PRDM16: variants seen among roughly 807,000 people sequenced by gnomAD.
The protein encoded by PRDM16 is PR/SET domain 16, also known as histone-lysine N-methyltransferase PRDM16.
Under a neutral mutation model 110.6 loss-of-function variants are expected in PRDM16, and 23 were observed. The observed-to-expected ratio is 0.21, with a 90% CI of 0.15 to 0.29. PRDM16 has a LOEUF of 0.29. Ranked by LOEUF, PRDM16 falls within the 10% of genes least tolerant of loss-of-function variation. PRDM16 has a pLI of 1.00. For synonymous variants in PRDM16, 799 were observed against 781.8 expected (o/e 1.02, Z -0.37); for missense variants, 1,615 against 1,794.3 (o/e 0.90, Z 1.81).
At chr1:3,128,488 C>T (rs533815069) in intron 1 of PRDM16, among the ~76,000 whole-genome samples, 2 of 152,324 alleles carry the variant, frequency 1.3e-5, no homozygotes, top group Non-Finnish European at 2.9e-5. Flanking sequence ...CGCATGGCTC[C>T]GCACCCAGGA....
intron 1 of PRDM16, among the ~76,000 whole-genome samples, chr1:3,182,162 A>T (rs1368160880): frequency 6.6e-6 from 1 of 152,172 alleles, no homozygotes; most frequent in Non-Finnish European, 1.5e-5. Context: ...TTAAAACCAC[A>T]TGATGAAGGA....
At chr1:3,229,216 T>A (rs559701719) in intron 2 of PRDM16, among the ~76,000 whole-genome samples, 27 of 152,256 alleles carry the variant, frequency 1.8e-4, no homozygotes, top group Middle Eastern at 3.4e-3. Context: ...CTGGTGGATA[T>A]TCCCCCAGGG....
chr1:3,176,738 A>ATCCGTCCG (rs796070588), intron 1 of PRDM16, among the ~76,000 whole-genome samples: 1 of 149,710 alleles, frequency 6.7e-6, no homozygotes, highest in African/African-American at 2.5e-5. Context: ...CCATCCATCC[A>ATCCGTCCG]TCCATCTATT....
At chr1:3,320,492 C>A (rs570277002) in intron 3 of PRDM16, among the ~76,000 whole-genome samples, 1 of 152,200 alleles carries the variant, frequency 6.6e-6, no homozygotes, top group Non-Finnish European at 1.5e-5. Context: ...GGCTGCCTCC[C>A]GGGTTCTTGG....
In PRDM16 at chr1:3,288,512, G is replaced by A. The variant is rs1009128132; in HGVS notation, c.438+44375G>A. 4.6e-5 allele frequency among the ~76,000 whole-genome samples: 7 copies of A among 152,286 alleles called. 1 individual carries two copies. In the East Asian group the frequency reaches 7.7e-4, roughly 17 times the overall value. Reference sequence around the variant, plus strand: ...GGAACGCTCAGATGTTGAGACCTGAGCCTGTGGCCAGGAGTGGTGGCAAAA... The same window carrying A: ...GGAACGCTCAGATGTTGAGACCTGAACCTGTGGCCAGGAGTGGTGGCAAAA... On this transcript the variant is annotated intron_variant, in intron 3 of 16. Transcript: ENST00000270722.
intron 1 of PRDM16, chr1:3,133,601 A>G (rs1488923608): frequency 6.6e-6 from 1 of 152,286 alleles, no homozygotes; most frequent in Non-Finnish European, 1.5e-5. Flanking sequence ...GGGCCGTGCC[A>G]TTGCTTGCAG....
At chr1:3,433,229 T>A (rs529871573) in intron 16 of PRDM16, among the ~76,000 whole-genome samples, 1 of 152,238 alleles carries the variant, frequency 6.6e-6, no homozygotes, top group Non-Finnish European at 1.5e-5. Context: ...TGTCCTGGCA[T>A]CACTCGGAGC....
At chr1:3,416,409 G>A (rs939888970) in intron 10 of PRDM16, among the ~76,000 whole-genome samples, 3 of 152,274 alleles carry the variant, frequency 2.0e-5, no homozygotes, top group Non-Finnish European at 2.9e-5. Context: ...GTAAATGGGC[G>A]GGTCACCTCT....
chr1:3,203,582 C>T (rs758222086), intron 2 of PRDM16, among the ~76,000 whole-genome samples: 22 of 151,294 alleles, frequency 1.5e-4, no homozygotes, highest in Non-Finnish European at 2.1e-4. Context: ...TTTCTCTCCC[C>T]GGGGGGGCCA....
chr1:3,420,656 T>A (rs546141705), intron 12 of PRDM16, among the ~76,000 whole-genome samples: 1 of 152,310 alleles, frequency 6.6e-6, no homozygotes, highest in South Asian at 2.1e-4. Context: ...CAAATATGTT[T>A]CTTGGAGGTA....
intron 6 of PRDM16, among the ~76,000 whole-genome samples, chr1:3,404,375 T>C (rs757283534): frequency 2.6e-5 from 4 of 152,240 alleles, no homozygotes; most frequent in Non-Finnish European, 4.4e-5. Context: ...TTCATGCCAG[T>C]GTTGAACCCC....
chr1:3,070,865 G>A (rs973630271), intron 1 of PRDM16, among the ~76,000 whole-genome samples: 1 of 152,204 alleles, frequency 6.6e-6, no homozygotes, highest in Non-Finnish European at 1.5e-5. Flanking sequence ...CCGGCCCCTG[G>A]GTGAGGCGCC....
chr1:3,405,427 C>T (rs914803985), intron 7 of PRDM16, 68 bp from the exon 8 acceptor site: 17 of 1,479,698 alleles, frequency 1.1e-5, no homozygotes, highest in African/African-American at 5.7e-5. Flanking sequence ...CCGGTTGGTC[C>T]GCCAGCCAGA....
chr1:3,201,880 C>T lies in PRDM16; in HGVS notation c.387+15406C>T, dbSNP rs147653409. ...TTCCCAGATCCCACATGAGCTTAGG[C>T]GCTGACTCCACCTCTCGGAGGGACC... On this transcript the variant is annotated intron_variant, in intron 2 of 16. Transcript: ENST00000270722. The surrounding 1 kb of genome is among the most constrained non-coding windows in gnomAD (Gnocchi z 4.1). 0.014 allele frequency among the ~76,000 whole-genome samples: 2,186 copies of T among 152,320 alleles called. 23 individuals carry two copies. Among genetic ancestry groups the T allele is most frequent in the Middle Eastern group, 0.071 (21 of 294 alleles).
In PRDM16 at chr1:3,234,015, T is replaced by C. The variant is rs150682749; in HGVS notation, c.388-10072T>C. Reference sequence around the variant, plus strand: ...CCCACTGCTCCCCTTCCATTTGTCTTGGCTGAGCCTGGAGCCCTCGGCTCC... The same window carrying C: ...CCCACTGCTCCCCTTCCATTTGTCTCGGCTGAGCCTGGAGCCCTCGGCTCC... On this transcript the variant is annotated intron_variant, in intron 2 of 16. Coordinates refer to ENST00000270722, the MANE Select transcript of PRDM16 (RefSeq NM_022114.4). Among the ~76,000 whole-genome samples, 527 of 152,170 alleles carry C rather than the reference T, an allele frequency of 3.5e-3. 4 individuals carry two copies. Among genetic ancestry groups the C allele is most frequent in the African/African-American group, 0.012 (498 of 41,504 alleles).
intron 3 of PRDM16, among the ~76,000 whole-genome samples, chr1:3,302,841 C>G (rs960178300): frequency 6.6e-6 from 1 of 152,222 alleles, no homozygotes; most frequent in Admixed American, 6.5e-5. Flanking sequence ...TGGGAGCACA[C>G]ATGCCAGACA....
intron 6 of PRDM16, 49 bp from the exon 7 acceptor site, chr1:3,404,690 G>C (rs1396464734): frequency 6.2e-7 from 1 of 1,606,318 alleles, no homozygotes; most frequent in Non-Finnish European, 8.5e-7. Context: ...CCCCTCCCGG[G>C]CAGAGGGCAG....
At position 3,412,021 on chromosome 1, in the gene PRDM16, C is replaced by T. The variant is rs1393016459; in HGVS notation, c.1824C>T (p.Asn608=). 20 of 1,613,406 alleles carry T rather than the reference C, an allele frequency of 1.2e-5. No homozygotes were observed. The highest frequency in any genetic ancestry group is 1.4e-5 in the Non-Finnish European group (17 of 1,179,926). The change falls in exon 9 of 17, where the codon AAC becomes AAT. Residue 608 remains asparagine, a synonymous_variant. Coordinates refer to ENST00000270722, the MANE Select transcript of PRDM16 (RefSeq NM_022114.4). ...ACGGCAGTGACTTTGAGGACGTCAACACCACCACGGGGACCGACCTGGACA... is the reference window on the plus strand; with the variant it reads ...ACGGCAGTGACTTTGAGGACGTCAATACCACCACGGGGACCGACCTGGACA... ...MSDGSDFEDV[N]TTTGTDLDTT...
At chr1:3,195,733 C>T (rs890517047) in intron 2 of PRDM16, among the ~76,000 whole-genome samples, 6 of 152,178 alleles carry the variant, frequency 3.9e-5, no homozygotes, top group Admixed American at 2.0e-4. Context: ...AGGGCTTCTG[C>T]GTGGGGGCGT....
Sources: allele counts gnomAD v4.1 joint callset (sites outside exome capture counted in the v4.1 genomes callset), GRCh38; gene constraint gnomAD v4.1.1; non-coding constraint Gnocchi (gnomAD v3.1); transcripts MANE v1.5; gene names NCBI Gene and HGNC (gene_info 2026-07-23, HGNC 2026-07-21).